Variants in ZNF618 observed in about 807,000 individuals in gnomAD.
ZNF618 encodes the protein zinc finger protein 618, also known as neural precursor cell expressed, developmentally down-regulated 10.
A neutral mutation model predicts 103.0 loss-of-function variants in ZNF618; 34 were observed. The ratio of observed to expected loss-of-function variants is 0.33; its 90% confidence interval spans 0.25 to 0.44. The LOEUF is 0.44. ZNF618 is among the 20% of genes least tolerant of loss of function. The probability of loss-of-function intolerance (pLI) is 1.00; values close to 1 mark genes in which losing one functional copy is unlikely to be tolerated. For missense variants in ZNF618, 1,059 were observed against 1,295.4 expected (o/e 0.82, Z 2.80); for synonymous variants, 551 against 542.2 (o/e 1.02, Z -0.23).
At chr9:113,905,545 G>A (rs1830914135) in intron 1 of ZNF618, among the ~76,000 whole-genome samples, 1 of 152,106 alleles carries the variant, frequency 6.6e-6, no homozygotes. Flanking sequence ...TATTTATTTT[G>A]TGACCCTTTA....
chr9:113,986,308 A>T (rs1839472673), intron 2 of ZNF618, among the ~76,000 whole-genome samples: 2 of 152,208 alleles, frequency 1.3e-5, no homozygotes, highest in Non-Finnish European at 2.9e-5. Flanking sequence ...CTTGCTCCTG[A>T]CTGGTTTTCC....
intron 11 of ZNF618, among the ~76,000 whole-genome samples, chr9:114,029,475 T>C (rs910654025): frequency 6.6e-6 from 1 of 152,134 alleles, no homozygotes; most frequent in Non-Finnish European, 1.5e-5. Flanking sequence ...TCACCACGCC[T>C]TACTGCCTCC....
At chr9:113,923,816 T>C (rs992805601) in intron 1 of ZNF618, among the ~76,000 whole-genome samples, 3 of 152,102 alleles carry the variant, frequency 2.0e-5, no homozygotes, top group African/African-American at 7.2e-5. Context: ...GGACCTGAAG[T>C]ATTTTGGATT....
At chr9:113,938,162 C>T (rs1442644266) in intron 1 of ZNF618, among the ~76,000 whole-genome samples, 1 of 140,354 alleles carries the variant, frequency 7.1e-6, no homozygotes, top group Non-Finnish European at 1.5e-5. Flanking sequence ...GCTTCAGGCT[C>T]CTGTTTTTTT....
At chr9:114,029,690 A>T (rs1323476300) in intron 11 of ZNF618, among the ~76,000 whole-genome samples, 1 of 152,178 alleles carries the variant, frequency 6.6e-6, no homozygotes, top group Non-Finnish European at 1.5e-5. Context: ...GATAAGCCGG[A>T]TGGTTGACCT....
intron 9 of ZNF618, among the ~76,000 whole-genome samples, chr9:114,013,800 A>C (rs1054739184): frequency 6.6e-6 from 1 of 152,172 alleles, no homozygotes; most frequent in Non-Finnish European, 1.5e-5. Context: ...AAGCCTTCCT[A>C]TTCATAGTGT....
chr9:113,948,177 C>T (rs1401026950), intron 1 of ZNF618, among the ~76,000 whole-genome samples: 3 of 152,188 alleles, frequency 2.0e-5, no homozygotes, highest in South Asian at 4.1e-4. Context: ...GTGGAATTTT[C>T]ACTCCCTTTG....
intron 1 of ZNF618, among the ~76,000 whole-genome samples, chr9:113,926,531 A>G (rs1833111138): frequency 6.6e-6 from 1 of 151,612 alleles, no homozygotes; most frequent in Non-Finnish European, 1.5e-5. Context: ...TAGTTATCTC[A>G]CAGTTTTTGG....
chr9:113,996,752 T>A (rs964698168), intron 3 of ZNF618, among the ~76,000 whole-genome samples: 1 of 152,072 alleles, frequency 6.6e-6, no homozygotes, highest in South Asian at 2.1e-4. Context: ...GGGCTCTCAA[T>A]AGGGCACTCT....
At position 114,054,487 on chromosome 9, in the gene ZNF618, T is replaced by G. The variant is rs754963322; in HGVS notation, c.*4320T>G. 1.3e-5 allele frequency: 2 copies of G among 152,372 alleles called. No individual in the cohort carries two copies. The highest frequency in any genetic ancestry group is 4.8e-5 in the African/African-American group (2 of 41,430). The allele number at this position is 152,372 out of a possible 1,614,324, so 9.4% of individuals were successfully genotyped here. On this transcript the variant is annotated 3_prime_UTR_variant, in exon 15 of 15. Coordinates refer to ENST00000374126, the MANE Select transcript of ZNF618 (RefSeq NM_001318042.2). ...CTCTGGGATGCATCTTAAGGAGGGC[T>G]CCTAACAAGGCCGATGATTTAGACA...
chr9:113,969,190 C>G, intron 2 of ZNF618, 30 bp downstream of exon 2: 2 of 1,613,848 alleles, frequency 1.2e-6, no homozygotes, highest in Non-Finnish European at 8.5e-7. Context: ...CCCAGCTTGT[C>G]CACCCATCGA....
Position 113,884,464 on chromosome 9 carries a change from A to G in ZNF618, c.33+8051A>G, listed in dbSNP as rs190471904. ...GAGAGATGTAAGAAAAAAGTTTTGT[A>G]AAGGGCAAAGTTCTTTTCACTTGCA... is the stretch of plus-strand genomic sequence containing the variant. On this transcript the variant is annotated intron_variant, in intron 1 of 14. Transcript: ENST00000374126. 1.6e-4 allele frequency among the ~76,000 whole-genome samples: 24 copies of G among 152,340 alleles called. No individual in the cohort carries two copies. The East Asian group carries it at 4.4e-3, about 28-fold the overall frequency.
At chr9:114,015,058 T>TAGA (rs1842550323) in intron 9 of ZNF618, among the ~76,000 whole-genome samples, 1 of 152,216 alleles carries the variant, frequency 6.6e-6, no homozygotes, top group South Asian at 2.1e-4. Context: ...CAAGGTTGTA[T>TAGA]AGAATTTAAA....
intron 1 of ZNF618, among the ~76,000 whole-genome samples, chr9:113,877,962 G>A (rs1320574227): frequency 6.6e-6 from 1 of 152,090 alleles, no homozygotes; most frequent in Non-Finnish European, 1.5e-5. Context: ...TGAAGACAAG[G>A]ATTGAGGAAT....
At chr9:114,048,398 T>C (rs1426215522) in intron 14 of ZNF618, among the ~76,000 whole-genome samples, 2 of 152,206 alleles carry the variant, frequency 1.3e-5, no homozygotes, top group African/African-American at 4.8e-5. Context: ...GGGAATGACA[T>C]AGACCGCAAT....
chr9:113,983,342 A>G (rs1267748463), intron 2 of ZNF618, among the ~76,000 whole-genome samples: 1 of 152,240 alleles, frequency 6.6e-6, no homozygotes, highest in Admixed American at 6.5e-5. Flanking sequence ...AATGCAAAGC[A>G]TTTGAGAAAA....
At chr9:113,969,013 A>G in intron 1 of ZNF618, 104 bp from the exon 2 acceptor site, 3 of 1,342,026 alleles carry the variant, frequency 2.2e-6, no homozygotes, top group Non-Finnish European at 3.2e-6. Context: ...AGCTCACCCC[A>G]CAGTGTGAAG....
chr9:113,933,260 C>T (rs944593743), intron 1 of ZNF618, among the ~76,000 whole-genome samples: 2 of 152,186 alleles, frequency 1.3e-5, no homozygotes, highest in African/African-American at 2.4e-5. Flanking sequence ...TTTGAGTTTG[C>T]TCTAAAGAGG....
At chr9:113,895,881 ATAACATTTTGGCTTTTGCTC>A (rs1829994587) in intron 1 of ZNF618, among the ~76,000 whole-genome samples, 1 of 152,116 alleles carries the variant, frequency 6.6e-6, no homozygotes, top group Non-Finnish European at 1.5e-5. Flanking sequence ...CCTTTCTTCA[ATAACATTTTGGCTTTTGCTC>A]TTTTCATGCC....
Sources: allele counts gnomAD v4.1 joint callset (sites outside exome capture counted in the v4.1 genomes callset), GRCh38; gene constraint gnomAD v4.1.1; transcripts MANE v1.5; gene names NCBI Gene and HGNC (gene_info 2026-07-23, HGNC 2026-07-21).